PDE4D: variants seen among roughly 807,000 people sequenced by gnomAD.
PDE4D encodes 3',5'-cyclic-AMP phosphodiesterase 4D.
In PDE4D, 24 loss-of-function variants were observed where a neutral mutation model predicts 87.4. That is an observed-to-expected ratio of 0.27 (90% CI 0.20 to 0.39). The LOEUF is 0.39. Ranked by LOEUF, PDE4D falls within the 10% of genes least tolerant of loss-of-function variation. The pLI is 1.00. For missense variants in PDE4D, 714 were observed against 1,041.0 expected (o/e 0.69, Z 4.32); for synonymous variants, 384 against 383.2 (o/e 1.00, Z -0.02).
intron 1 of PDE4D, among the ~76,000 whole-genome samples, chr5:59,374,570 A>G (rs1409357080): frequency 6.6e-6 from 1 of 152,170 alleles, no homozygotes; most frequent in Non-Finnish European, 1.5e-5. Flanking sequence ...ACTCCCACAC[A>G]ATAATAGCAG....
intron 1 of PDE4D, among the ~76,000 whole-genome samples, chr5:59,511,569 A>G (rs902144648): frequency 1.3e-5 from 2 of 152,022 alleles, no homozygotes; most frequent in Non-Finnish European, 2.9e-5. Context: ...GCAGGGACAG[A>G]CCATTAGCTT....
chr5:60,328,253 G>T (rs1449994068), intron 1 of PDE4D, among the ~76,000 whole-genome samples: 2 of 152,090 alleles, frequency 1.3e-5, no homozygotes, highest in East Asian at 1.9e-4. Flanking sequence ...ATAATGTTCT[G>T]GGGAAAGGAG....
At chr5:59,080,315 G>A (rs1766510792) in intron 5 of PDE4D, among the ~76,000 whole-genome samples, 2 of 152,134 alleles carry the variant, frequency 1.3e-5, no homozygotes, top group Admixed American at 6.5e-5. Context: ...TTTCCTCAAC[G>A]CTAAATTGAT....
chr5:60,302,962 T>G (rs1754054989), intron 1 of PDE4D, among the ~76,000 whole-genome samples: 1 of 152,106 alleles, frequency 6.6e-6, no homozygotes. Context: ...CCCAAGTAGC[T>G]GGGACTACAG....
rs73758510 is a variant in PDE4D at position 59,467,700 on chromosome 5, C to T, written c.456-251732G>A. On this transcript the variant is annotated intron_variant, in intron 1 of 14. Transcript: ENST00000340635. The stretch of plus-strand genomic sequence containing the variant: ...TTGGGCAAAATGCCATTGAAGCATA[C>T]GTACAATTGTATTTTGTATGTTATT... 8.7e-3 allele frequency among the ~76,000 whole-genome samples: 1,316 copies of T among 152,136 alleles called. 17 individuals are homozygous for T. The highest frequency in any genetic ancestry group is 0.025 in the African/African-American group (1,034 of 41,504).
At chr5:59,020,512 C>A (rs556406847) in intron 6 of PDE4D, among the ~76,000 whole-genome samples, 2 of 151,934 alleles carry the variant, frequency 1.3e-5, no homozygotes, top group East Asian at 3.9e-4. Context: ...TCAGTAAAGA[C>A]CCAAATCAGG....
chr5:60,391,379 C>A (rs1762552638), intron 1 of PDE4D, among the ~76,000 whole-genome samples: 1 of 152,090 alleles, frequency 6.6e-6, no homozygotes, highest in South Asian at 2.1e-4. Flanking sequence ...TGGCATAAAA[C>A]AACAAAAGTT....
At chr5:60,317,861 T>G (rs1371836194) in intron 1 of PDE4D, among the ~76,000 whole-genome samples, 1 of 152,230 alleles carries the variant, frequency 6.6e-6, no homozygotes, top group Non-Finnish European at 1.5e-5. Flanking sequence ...GACAGTTTGT[T>G]ATAATTTCTG....
At chr5:60,343,468 G>A (rs1160501069) in intron 1 of PDE4D, among the ~76,000 whole-genome samples, 3 of 152,168 alleles carry the variant, frequency 2.0e-5, no homozygotes, top group African/African-American at 7.2e-5. Flanking sequence ...TGATGATGAC[G>A]ATGATAATGG....
intron 1 of PDE4D, among the ~76,000 whole-genome samples, chr5:60,297,078 C>G (rs959460807): frequency 6.6e-6 from 1 of 152,000 alleles, no homozygotes; most frequent in Admixed American, 6.5e-5. Flanking sequence ...TATCCCAGAA[C>G]TTAAAGTATA....
chr5:59,723,508 A>AT (rs1274549613), intron 1 of PDE4D, among the ~76,000 whole-genome samples: 1 of 152,140 alleles, frequency 6.6e-6, no homozygotes, highest in Non-Finnish European at 1.5e-5. Context: ...ATAAATACAG[A>AT]TGAGGCGATC....
At chr5:59,524,047 T>C (rs1562331559) in intron 1 of PDE4D, among the ~76,000 whole-genome samples, 1 of 152,188 alleles carries the variant, frequency 6.6e-6, no homozygotes, top group Non-Finnish European at 1.5e-5. Context: ...TTTATAGCAG[T>C]GTGAGAACAG....
At chr5:59,949,130 G>A (rs1363635406) in intron 3 of PDE4D, among the ~76,000 whole-genome samples, 5 of 152,078 alleles carry the variant, frequency 3.3e-5, no homozygotes, top group Non-Finnish European at 7.4e-5. Flanking sequence ...GTGTGAGAGA[G>A]AATGTAAGAA....
At position 60,285,021 on chromosome 5, in the gene PDE4D, A is replaced by T. The variant is rs117422801; in HGVS notation, c.-89-99334T>A. ...AGTGTTTCTTTGTAATTGAGAAGTTAAGGCACTTGAGAAGCAATCTAAGAA... is the reference window on the plus strand; with the variant it reads ...AGTGTTTCTTTGTAATTGAGAAGTTTAGGCACTTGAGAAGCAATCTAAGAA... On this transcript the variant is annotated intron_variant, in intron 1 of 16. Coordinates refer to the PDE4D transcript ENST00000502484. 9.2e-5 allele frequency among the ~76,000 whole-genome samples: 14 copies of T among 152,156 alleles called. No homozygotes were observed. In the East Asian group the frequency reaches 2.1e-3, roughly 23 times the overall value.
chr5:60,065,120 G>C (rs1771906766), intron 2 of PDE4D, among the ~76,000 whole-genome samples: 1 of 152,020 alleles, frequency 6.6e-6, no homozygotes, highest in South Asian at 2.1e-4. Context: ...AACTCAAAAG[G>C]ATTCAGAAAA....
At chr5:60,319,860 G>A (rs914411829) in intron 1 of PDE4D, among the ~76,000 whole-genome samples, 1 of 152,204 alleles carries the variant, frequency 6.6e-6, no homozygotes. Context: ...TCTAAGAGGA[G>A]TACCCAGCCG....
At chr5:59,540,270 T>C (rs760873396) in intron 1 of PDE4D, among the ~76,000 whole-genome samples, 14 of 152,068 alleles carry the variant, frequency 9.2e-5, no homozygotes, top group Non-Finnish European at 1.5e-4. Flanking sequence ...TTGGTACCAA[T>C]ATCTAACTCA....
chr5:60,459,983 A>G (rs1746796718), intron 1 of PDE4D: 1 of 840,368 alleles, frequency 1.2e-6, no homozygotes, highest in African/African-American at 1.7e-5. Context: ...TCTTCTTCTC[A>G]TTCTGCTTCT....
chr5:59,284,775 C>A (rs368723811), intron 1 of PDE4D, among the ~76,000 whole-genome samples: 1 of 77,280 alleles, frequency 1.3e-5, no homozygotes, highest in Non-Finnish European at 2.6e-5. Flanking sequence ...ATGTTTATTG[C>A]GGCATTATTC....
Sources: gnomAD v4.1 joint callset for allele counts (sites outside exome capture counted in the v4.1 genomes callset) on GRCh38, gnomAD v4.1.1 for gene constraint, MANE v1.5 for transcripts, NCBI Gene and HGNC (gene_info 2026-07-23, HGNC 2026-07-21) for gene names.